The following CNNM2 variants were observed in gnomAD, a reference collection of about 807,000 sequenced individuals.
CNNM2 encodes the protein metal transporter CNNM2.
CNNM2 carries 12 observed loss-of-function variants against 66.9 expected under a neutral mutation model. The observed-to-expected ratio is 0.18, with a 90% confidence interval of 0.11 to 0.29. The LOEUF is 0.29. CNNM2 is among the 10% of genes least tolerant of loss of function. The pLI, the probability that CNNM2 is intolerant of heterozygous loss-of-function variation, is 1.00. For missense variants in CNNM2, 705 were observed against 1,167.7 expected (o/e 0.60, Z 5.77); for synonymous variants, 557 against 501.8 (o/e 1.11, Z -1.47).
Position 103,085,378 on chromosome 10 carries a change from A to C in CNNM2, c.*8198A>C, listed in dbSNP as rs1203363513. On this transcript the variant is annotated 3_prime_UTR_variant, in exon 8 of 8. Transcript: ENST00000369878. ...CTCAAAGACTGGACACTGAGTAAAC[A>C]TTTTTCAGTGTGGGGAAGGTTTGCT... 1 of 152,124 alleles carries C rather than the reference A, an allele frequency of 6.6e-6. No individual in the cohort carries two copies. The highest frequency in any genetic ancestry group is 6.5e-5 in the Admixed American group (1 of 15,282). 9.4% of individuals were successfully genotyped at this position (152,124 alleles called of 1,614,324 possible). A position where few individuals can be genotyped will look rare whatever the true frequency, so the allele number is the denominator to read the frequency against.
chr10:103,019,121 T>G (rs1168197758), intron 1 of CNNM2, among the ~76,000 whole-genome samples: 1 of 151,692 alleles, frequency 6.6e-6, no homozygotes, highest in Non-Finnish European at 1.5e-5. Flanking sequence ...TAGAAAAACT[T>G]ATTCAGATGT....
chr10:103,021,548 C>A (rs572482092), intron 1 of CNNM2, among the ~76,000 whole-genome samples: 1 of 152,078 alleles, frequency 6.6e-6, no homozygotes, highest in African/African-American at 2.4e-5. Context: ...TTACCCGAAA[C>A]GCCAGAGTTC....
intron 1 of CNNM2, among the ~76,000 whole-genome samples, chr10:102,995,181 C>G: frequency 1.2e-5 from 1 of 82,138 alleles, no homozygotes. Context: ...CCCTCTTCCT[C>G]CTCCTCCCCC....
intron 1 of CNNM2, among the ~76,000 whole-genome samples, chr10:102,956,243 G>A (rs1382793405): frequency 8.2e-5 from 12 of 146,254 alleles, no homozygotes; most frequent in East Asian, 2.0e-4. Flanking sequence ...AGCTGAAATC[G>A]CGCCACTTCA....
At chr10:103,001,328 A>G (rs148000343) in intron 1 of CNNM2, among the ~76,000 whole-genome samples, 93 of 152,320 alleles carry the variant, frequency 6.1e-4, no homozygotes, top group African/African-American at 2.1e-3. Flanking sequence ...TTAAAATGGT[A>G]AATCTTATGT....
chr10:103,033,322 G>A (rs1291972424), intron 1 of CNNM2, among the ~76,000 whole-genome samples: 1 of 151,834 alleles, frequency 6.6e-6, no homozygotes, highest in African/African-American at 2.4e-5. Context: ...CCGAGTAGTT[G>A]GGACTACAGG....
At chr10:102,982,859 AT>A (rs1307292258) in intron 1 of CNNM2, among the ~76,000 whole-genome samples, 1 of 152,162 alleles carries the variant, frequency 6.6e-6, no homozygotes, top group Non-Finnish European at 1.5e-5. Flanking sequence ...GCTGCATTCA[AT>A]AAACTTATAT....
At chr10:103,018,860 T>C (rs1049802660) in intron 1 of CNNM2, among the ~76,000 whole-genome samples, 1 of 150,976 alleles carries the variant, frequency 6.6e-6, no homozygotes, top group Admixed American at 6.6e-5. Flanking sequence ...GGTTTCACCA[T>C]GTTGGCCAGG....
chr10:103,032,385 AG>A (rs2064843509), intron 1 of CNNM2, among the ~76,000 whole-genome samples: 1 of 152,028 alleles, frequency 6.6e-6, no homozygotes, highest in Admixed American at 6.6e-5. Context: ...TGGGAGATGG[AG>A]GTTGCAGCGA....
intron 1 of CNNM2, among the ~76,000 whole-genome samples, chr10:102,978,011 G>C (rs915369896): frequency 2.0e-5 from 3 of 151,964 alleles, no homozygotes; most frequent in Admixed American, 6.6e-5. Context: ...CTGGGTTCAA[G>C]CGATTCTCCT....
At chr10:102,958,062 G>T (rs1488126780) in intron 1 of CNNM2, among the ~76,000 whole-genome samples, 1 of 152,174 alleles carries the variant, frequency 6.6e-6, no homozygotes, top group East Asian at 1.9e-4. Flanking sequence ...TCAGCATCCT[G>T]AGTAGCTGGG....
intron 4 of CNNM2, among the ~76,000 whole-genome samples, chr10:103,062,423 G>T (rs1341368253): frequency 6.6e-6 from 1 of 152,190 alleles, no homozygotes; most frequent in Non-Finnish European, 1.5e-5. Context: ...TGCAGTAACG[G>T]ATCCTTAATC....
chr10:102,938,850 T>C (rs746948343), intron 1 of CNNM2, among the ~76,000 whole-genome samples: 6 of 152,088 alleles, frequency 3.9e-5, no homozygotes, highest in Non-Finnish European at 7.4e-5. Context: ...AGATCATCAG[T>C]TGACACAGAA....
At chr10:103,035,176 CT>C in intron 1 of CNNM2, among the ~76,000 whole-genome samples, 1 of 152,164 alleles carries the variant, frequency 6.6e-6, no homozygotes, top group Non-Finnish European at 1.5e-5. Context: ...ACTAAACGGA[CT>C]ACTAAGTAGT....
At chr10:103,034,029 T>G (rs1180552314) in intron 1 of CNNM2, among the ~76,000 whole-genome samples, 1 of 151,950 alleles carries the variant, frequency 6.6e-6, no homozygotes, top group East Asian at 1.9e-4. Flanking sequence ...TTTTTTGAAG[T>G]TTATCATATG....
chr10:103,072,758 C>CT (rs2065612848), intron 6 of CNNM2, among the ~76,000 whole-genome samples: 1 of 152,208 alleles, frequency 6.6e-6, no homozygotes, highest in Admixed American at 6.5e-5. Flanking sequence ...TCCATAATTA[C>CT]TATCATAAAA....
rs117148035 is a variant in CNNM2 at position 102,966,730 on chromosome 10, A to T, written c.1621+46629A>T. On this transcript the variant is annotated intron_variant, in intron 1 of 7. Coordinates refer to ENST00000369878, the MANE Select transcript of CNNM2 (RefSeq NM_017649.5). ...GCCTGCTATATGTAGGATGTAATAT[A>T]AAATAGATTAATAACATGGTCCTTT... Among the ~76,000 whole-genome samples the T allele has an allele frequency of 8.7e-4, 132 of 152,316 alleles. 5 individuals carry two copies. In the East Asian group the frequency reaches 0.019, roughly 22 times the overall value.
In CNNM2 at chr10:102,967,491, A is replaced by G. The variant is rs376544940; in HGVS notation, c.1621+47390A>G. On this transcript the variant is annotated intron_variant, in intron 1 of 7. Coordinates refer to ENST00000369878, the MANE Select transcript of CNNM2 (RefSeq NM_017649.5). ...TATGCTTTCTGTCTCTATAGATTTG[A>G]CTTTTCTAGAAATTTCCTATAAAAG... Among the ~76,000 whole-genome samples the G allele has an allele frequency of 4.6e-5, 7 of 152,132 alleles. No individual in the cohort carries two copies. The East Asian group carries it at 1.3e-3, about 29-fold the overall frequency.
chr10:102,925,181 A>G (rs901572452), intron 1 of CNNM2, among the ~76,000 whole-genome samples: 4 of 151,592 alleles, frequency 2.6e-5, no homozygotes, highest in African/African-American at 9.7e-5. Context: ...CTGTAATCCC[A>G]ACTACTCGGG....
Sources: allele counts gnomAD v4.1 joint callset (sites outside exome capture counted in the v4.1 genomes callset), GRCh38; gene constraint gnomAD v4.1.1; transcripts MANE v1.5; gene names NCBI Gene and HGNC (gene_info 2026-07-23, HGNC 2026-07-21).